The following LPP variants were observed in gnomAD, a reference collection of about 807,000 sequenced individuals.
The protein encoded by LPP is LIM domain containing preferred translocation partner in lipoma, also known as lipoma-preferred partner.
LPP carries 38 observed loss-of-function variants against 60.4 expected under a neutral mutation model. The observed-to-expected ratio is 0.63, with a 90% CI of 0.49 to 0.83. LPP has a LOEUF of 0.83. Ranked by LOEUF, LPP falls within the 40% of genes least tolerant of loss-of-function variation. The pLI is 0.00. For synonymous variants in LPP, 328 were observed against 290.8 expected (o/e 1.13, Z -1.30); for missense variants, 902 against 783.6 (o/e 1.15, Z -1.80).
intron 7 of LPP, among the ~76,000 whole-genome samples, chr3:188,625,168 A>G (rs1041873366): frequency 3.9e-5 from 6 of 152,180 alleles, no homozygotes; most frequent in Non-Finnish European, 8.8e-5. Context: ...TAGCTACCCC[A>G]AAATATTTGT....
At chr3:188,734,232 A>G (rs772976021) in intron 8 of LPP, among the ~76,000 whole-genome samples, 2 of 152,192 alleles carry the variant, frequency 1.3e-5, no homozygotes, top group Non-Finnish European at 2.9e-5. Context: ...ATTTATCATA[A>G]AGGTGTTATA....
intron 6 of LPP, among the ~76,000 whole-genome samples, chr3:188,556,747 G>A (rs1829563446): frequency 6.7e-6 from 1 of 149,732 alleles, no homozygotes; most frequent in South Asian, 2.1e-4. Context: ...CCTTATGCAA[G>A]GGTTGGCACT....
chr3:188,766,378 C>CAAAAAAAAAAAAAAAAAAAAAAAAA (rs142374028), intron 9 of LPP, among the ~76,000 whole-genome samples: 8 of 124,666 alleles, frequency 6.4e-5, no homozygotes, highest in Non-Finnish European at 1.0e-4. Context: ...CCTTAAAAAG[C>CAAAAAAAAAAAAAAAAAAAAAAAAA]AAAAAAAAAA....
chr3:188,476,987 G>A (rs951645171), intron 4 of LPP, among the ~76,000 whole-genome samples: 3 of 152,198 alleles, frequency 2.0e-5, no homozygotes, highest in African/African-American at 7.2e-5. Context: ...AGAAACGGGA[G>A]CAAAATGAGA....
At chr3:188,323,842 G>A (rs553878851) in intron 2 of LPP, among the ~76,000 whole-genome samples, 2 of 152,332 alleles carry the variant, frequency 1.3e-5, no homozygotes, top group African/African-American at 4.8e-5. Flanking sequence ...GGAAGTGGAG[G>A]TCATAGATTT....
At chr3:188,453,717 C>A (rs1364630802) in intron 4 of LPP, among the ~76,000 whole-genome samples, 1 of 152,034 alleles carries the variant, frequency 6.6e-6, no homozygotes, top group East Asian at 1.9e-4. Context: ...CAAAATAGTA[C>A]CTTCCCTATT....
chr3:188,281,598 T>C (rs1577819801), intron 2 of LPP, among the ~76,000 whole-genome samples: 1 of 39,956 alleles, frequency 2.5e-5, no homozygotes, highest in Non-Finnish European at 4.1e-5. Context: ...AGGAAGACTC[T>C]ACCAAAAAAA....
chr3:188,266,889 A>T (rs74325631), intron 2 of LPP, among the ~76,000 whole-genome samples: 2,299 of 152,312 alleles, frequency 0.015, 25 homozygotes, highest in Non-Finnish European at 0.018. Flanking sequence ...TAGAGCTGGT[A>T]TGGATCTACT....
intron 7 of LPP, among the ~76,000 whole-genome samples, chr3:188,691,466 G>A (rs748169180): frequency 9.9e-5 from 15 of 152,190 alleles, no homozygotes; most frequent in South Asian, 2.1e-4. Flanking sequence ...CTGGCCCAAA[G>A]GTTAGCTGTA....
chr3:188,761,605 T>C (rs1320697245), intron 9 of LPP, among the ~76,000 whole-genome samples: 1 of 152,192 alleles, frequency 6.6e-6, no homozygotes, highest in Non-Finnish European at 1.5e-5. Flanking sequence ...TCGTATGACC[T>C]ATCATTAGTG....
intron 3 of LPP, among the ~76,000 whole-genome samples, chr3:188,387,553 G>T (rs1037266948): frequency 7.3e-6 from 1 of 137,354 alleles, no homozygotes; most frequent in East Asian, 2.2e-4. Flanking sequence ...TGAGACACAC[G>T]GGTCAGAGGT....
At chr3:188,506,844 C>T (rs1813617695) in intron 5 of LPP, among the ~76,000 whole-genome samples, 2 of 152,126 alleles carry the variant, frequency 1.3e-5, no homozygotes, top group Admixed American at 6.5e-5. Context: ...GTTGCCCAGG[C>T]TGGAGTGCAG....
intron 4 of LPP, among the ~76,000 whole-genome samples, chr3:188,482,124 A>G (rs1239622555): frequency 2.0e-5 from 3 of 152,150 alleles, no homozygotes; most frequent in African/African-American, 4.8e-5. Context: ...TCCTGCCACT[A>G]TGTGAGATGT....
chr3:188,343,047 A>G (rs1763460574), intron 3 of LPP, among the ~76,000 whole-genome samples: 1 of 152,156 alleles, frequency 6.6e-6, no homozygotes, highest in Non-Finnish European at 1.5e-5. Context: ...TCTTGGATAC[A>G]TGTGCAGAAC....
At chr3:188,420,150 A>G (rs1298319220) in intron 4 of LPP, among the ~76,000 whole-genome samples, 1 of 152,104 alleles carries the variant, frequency 6.6e-6, no homozygotes, top group Admixed American at 6.6e-5. Context: ...CCATTTAAAA[A>G]ATAATCTTAG....
intron 2 of LPP, among the ~76,000 whole-genome samples, chr3:188,233,264 G>T (rs1720729285): frequency 6.6e-6 from 1 of 152,146 alleles, no homozygotes; most frequent in African/African-American, 2.4e-5. Flanking sequence ...GTGTTTCATG[G>T]GGAAGGCTTA....
Position 188,494,294 on chromosome 3 carries a change from C to A in LPP, c.306+9590C>A, listed in dbSNP as rs115236420. On this transcript the variant is annotated intron_variant, in intron 5 of 11. Coordinates refer to ENST00000617246, the MANE Select transcript of LPP (RefSeq NM_001375462.1). ...GCCATACATGTATGCCAGGTGAGGG[C>A]TGCAGGAGCTGTGGCCAGCGCTTAT... Among the ~76,000 whole-genome samples, 275 of 152,188 alleles carry A rather than the reference C, an allele frequency of 1.8e-3. 3 individuals carry two copies. Among genetic ancestry groups the A allele is most frequent in the African/African-American group, 6.3e-3 (261 of 41,526 alleles).
intron 2 of LPP, among the ~76,000 whole-genome samples, chr3:188,323,107 G>A (rs979175412): frequency 2.6e-5 from 4 of 152,184 alleles, no homozygotes; most frequent in African/African-American, 7.2e-5. Context: ...TGATGGATTT[G>A]TGCTGGCTTC....
In LPP at chr3:188,736,347, C is replaced by T. The variant is rs553021659; in HGVS notation, c.1241-23766C>T. Among the ~76,000 whole-genome samples, 215 of 152,044 alleles carry T rather than the reference C, an allele frequency of 1.4e-3. 3 individuals are homozygous for T. Among genetic ancestry groups the T allele is most frequent in the African/African-American group, 5.1e-3 (212 of 41,506 alleles). On this transcript the variant is annotated intron_variant, in intron 8 of 11. Coordinates refer to ENST00000617246, the MANE Select transcript of LPP (RefSeq NM_001375462.1). ...GGGTTAACAACTGTATGAAAATTTTCATGCAAATACAAATATCCCAACAGA... is the reference window on the plus strand; with the variant it reads ...GGGTTAACAACTGTATGAAAATTTTTATGCAAATACAAATATCCCAACAGA...
Sources: gnomAD v4.1 joint callset for allele counts (sites outside exome capture counted in the v4.1 genomes callset) on GRCh38, gnomAD v4.1.1 for gene constraint, MANE v1.5 for transcripts, NCBI Gene and HGNC (gene_info 2026-07-23, HGNC 2026-07-21) for gene names.